DNAI4: variants seen among roughly 807,000 people sequenced by gnomAD.
The protein encoded by DNAI4 is WD repeat domain 78.
Under a neutral mutation model 105.8 loss-of-function variants are expected in DNAI4, and 85 were observed. The observed-to-expected ratio is 0.80, with a 90% CI of 0.67 to 0.96. The LOEUF (loss-of-function observed/expected upper bound fraction) is 0.96, where lower values mean the gene tolerates loss of function less well. DNAI4 is among the 40% of genes least tolerant of loss of function. The pLI is 0.00. For synonymous variants in DNAI4, 352 were observed against 331.5 expected (o/e 1.06, Z -0.67); for missense variants, 1,014 against 1,005.6 (o/e 1.01, Z -0.11).
chr1:66,853,080 C>T (rs920438758), intron 7 of DNAI4, among the ~76,000 whole-genome samples: 5 of 152,158 alleles, frequency 3.3e-5, no homozygotes, highest in Admixed American at 2.6e-4. Context: ...AGGTGAGACA[C>T]CATGAGGAAG....
At chr1:66,891,070 T>G in intron 4 of DNAI4, 84 bp downstream of exon 4, 1 of 1,070,908 alleles carries the variant, frequency 9.3e-7, no homozygotes, top group Non-Finnish European at 1.4e-6. Context: ...ACCATATTTC[T>G]TTTATCTCAA....
intron 4 of DNAI4, among the ~76,000 whole-genome samples, chr1:66,877,723 G>A (rs575184242): frequency 3.9e-5 from 6 of 152,138 alleles, no homozygotes; most frequent in African/African-American, 1.4e-4. Context: ...TAGTCATGAT[G>A]TCTCCTTACG....
chr1:66,825,644 T>C (rs557658026), intron 15 of DNAI4, among the ~76,000 whole-genome samples: 12 of 152,350 alleles, frequency 7.9e-5, no homozygotes, highest in African/African-American at 2.4e-5. Context: ...CTTTTAAAAA[T>C]GTGTTGTCCT....
chr1:66,834,944 T>C (rs1050698232), intron 11 of DNAI4, among the ~76,000 whole-genome samples: 1 of 152,214 alleles, frequency 6.6e-6, no homozygotes. Context: ...TTTCTAGTTC[T>C]AGCTAAGTTT....
rs77112378 is a variant in DNAI4 at position 66,910,986 on chromosome 1, T to C, written c.171-5611A>G. Among the ~76,000 whole-genome samples, 568 of 152,332 alleles carry C rather than the reference T, an allele frequency of 3.7e-3. 4 individuals are homozygous for C. Among genetic ancestry groups the C allele is most frequent in the Non-Finnish European group, 6.4e-3 (434 of 68,022 alleles). ...CAGTTCCGCAGTGGATACCATCTGG[T>C]TGTCCTCCAATTCAATTCCAGCACT... On this transcript the variant is annotated intron_variant, in intron 1 of 16. Transcript: ENST00000371026.
intron 4 of DNAI4, among the ~76,000 whole-genome samples, chr1:66,883,781 T>C (rs980306529): frequency 6.6e-6 from 1 of 152,228 alleles, no homozygotes; most frequent in Admixed American, 6.5e-5. Context: ...GAATACAATG[T>C]AGAATAATTA....
intron 1 of DNAI4, among the ~76,000 whole-genome samples, chr1:66,906,448 TA>T (rs571693545): frequency 9.3e-4 from 142 of 152,290 alleles, no homozygotes; most frequent in South Asian, 2.3e-3. Flanking sequence ...TTTTAAATCA[TA>T]AAAAATCTGA....
At chr1:66,913,775 A>G (rs992819082) in intron 1 of DNAI4, among the ~76,000 whole-genome samples, 15 of 151,912 alleles carry the variant, frequency 9.9e-5, no homozygotes, top group Non-Finnish European at 1.8e-4. Flanking sequence ...GAGGTCAGGA[A>G]ATCGAGACCA....
At chr1:66,839,541 T>C (rs1347203718) in intron 9 of DNAI4, among the ~76,000 whole-genome samples, 4 of 152,134 alleles carry the variant, frequency 2.6e-5, no homozygotes, top group Non-Finnish European at 4.4e-5. Context: ...TATAATATAA[T>C]TTAAATAAAT....
chr1:66,857,820 A>T (rs1374600203), intron 7 of DNAI4, among the ~76,000 whole-genome samples: 3 of 152,028 alleles, frequency 2.0e-5, no homozygotes, highest in Non-Finnish European at 4.4e-5. Context: ...TCCCGACCTC[A>T]GGTGATCTGC....
At chr1:66,836,168 GAA>G (rs1191203935) in intron 10 of DNAI4, among the ~76,000 whole-genome samples, 8 of 47,062 alleles carry the variant, frequency 1.7e-4, no homozygotes, top group African/African-American at 5.9e-4. Context: ...AAGAAAGAAA[GAA>G]AGAAAGAAAG....
chr1:66,832,053 C>G (rs1219979300), intron 13 of DNAI4, among the ~76,000 whole-genome samples: 1 of 152,126 alleles, frequency 6.6e-6, no homozygotes, highest in African/African-American at 2.4e-5. Context: ...CCCTTCCCCA[C>G]CCTCACCTCA....
intron 10 of DNAI4, among the ~76,000 whole-genome samples, chr1:66,837,381 A>AC (rs1224528076): frequency 1.1e-4 from 17 of 151,704 alleles, no homozygotes; most frequent in African/African-American, 3.4e-4. Context: ...AAAAAAAAAA[A>AC]AAACATAATT....
At chr1:66,855,859 G>C (rs1441153736) in intron 7 of DNAI4, among the ~76,000 whole-genome samples, 1 of 152,154 alleles carries the variant, frequency 6.6e-6, no homozygotes, top group African/African-American at 2.4e-5. Flanking sequence ...TTGAGACAGA[G>C]TTTCACTCTT....
At position 66,822,349 on chromosome 1, in the gene DNAI4, C is replaced by T. The variant is rs762793460; in HGVS notation, c.2496+12G>A. On this transcript the variant is annotated intron_variant, in intron 16 of 16. Coordinates refer to ENST00000371026, the MANE Select transcript of DNAI4 (RefSeq NM_024763.5). Reference sequence around the variant, plus strand: ...ATAAAATGACACAAATTTTTTTACTCTTGAGTCTTACCCGGCCAGTTTCCA... The same window carrying T: ...ATAAAATGACACAAATTTTTTTACTTTTGAGTCTTACCCGGCCAGTTTCCA... 1 of 1,585,826 alleles carries T rather than the reference C, an allele frequency of 6.3e-7. No homozygotes were observed. The highest frequency in any genetic ancestry group is 8.6e-7 in the Non-Finnish European group (1 of 1,169,248).
Position 66,840,626 on chromosome 1 carries a change from T to A in DNAI4, c.1337A>T (p.His446Leu), listed in dbSNP as rs150830991. The stretch of plus-strand genomic sequence containing the variant: ...CTTAGATTCTTCCTCTACCTCTTCA[T>A]GTTTTGCACTTTCTAAAACATCTTC... The part of the protein sequence containing the change: ...EPEDVLESAK[H>L]EEVEEESKKE... The change falls in exon 9 of 17, where the codon CAT becomes CTT. Residue 446 changes from histidine to leucine, a missense_variant. His to Leu is a moderately conservative substitution (Grantham distance 99). Transcript: ENST00000371026. The A allele has an allele frequency of 6.2e-7, 1 of 1,614,092 alleles. No individual in the cohort carries two copies. The highest frequency in any genetic ancestry group is 1.3e-5 in the African/African-American group (1 of 74,942).
In DNAI4 at chr1:66,893,053, A is replaced by AAGAG. The variant is rs71058480; in HGVS notation, c.530+172_530+175dup. On this transcript the variant is annotated intron_variant, in intron 3 of 16. Coordinates refer to ENST00000371026, the MANE Select transcript of DNAI4 (RefSeq NM_024763.5). ...AAGAGAGGAAAGAAAGAAAGAAAGA[A>AAGAG]AGAGAGAGAGAGAAAGAAAGAAAGA... 9.2e-4 allele frequency among the ~76,000 whole-genome samples: 61 copies of AAGAG among 66,594 alleles called. 3 individuals carry two copies. Among genetic ancestry groups the AAGAG allele is most frequent in the Middle Eastern group, 0.017 (2 of 118 alleles). The allele number at this position is 66,594 out of a possible 152,430, so 43.7% of individuals were successfully genotyped here.
chr1:66,866,800 A>G (rs1384854572), intron 6 of DNAI4, among the ~76,000 whole-genome samples: 1 of 152,182 alleles, frequency 6.6e-6, no homozygotes, highest in Non-Finnish European at 1.5e-5. Flanking sequence ...GTATTAGTCC[A>G]TTTTCATGTG....
intron 2 of DNAI4, among the ~76,000 whole-genome samples, chr1:66,895,494 A>C (rs1022949424): frequency 2.0e-5 from 3 of 152,244 alleles, no homozygotes; most frequent in Non-Finnish European, 4.4e-5. Flanking sequence ...CAAATAAAAA[A>C]AATCTAATTT....
Sources: allele counts gnomAD v4.1 joint callset (sites outside exome capture counted in the v4.1 genomes callset), GRCh38; gene constraint gnomAD v4.1.1; transcripts MANE v1.5; gene names NCBI Gene and HGNC (gene_info 2026-07-23, HGNC 2026-07-21).